Variants in HECW1 observed in about 807,000 individuals in gnomAD.
HECW1 encodes the protein HECT, C2 and WW domain containing E3 ubiquitin protein ligase 1, also known as E3 ubiquitin-protein ligase HECW1.
Under a neutral mutation model 182.3 loss-of-function variants are expected in HECW1, and 61 were observed. The observed-to-expected ratio is 0.33, with a 90% CI of 0.27 to 0.41. The LOEUF is 0.41. Among genes scored for constraint, HECW1 ranks in the 10% least tolerant of loss-of-function variants. The probability of loss-of-function intolerance (pLI) is 1.00; values close to 1 mark genes in which losing one functional copy is unlikely to be tolerated. For missense variants in HECW1, 1,739 were observed against 2,108.9 expected (o/e 0.82, Z 3.44); for synonymous variants, 859 against 832.6 (o/e 1.03, Z -0.55).
At chr7:43,525,301 A>T (rs1200417434) in intron 24 of HECW1, among the ~76,000 whole-genome samples, 1 of 152,270 alleles carries the variant, frequency 6.6e-6, no homozygotes, top group Non-Finnish European at 1.5e-5. Context: ...CCATGAAATC[A>T]GTTCATTTCC....
intron 2 of HECW1, among the ~76,000 whole-genome samples, chr7:43,128,495 A>T (rs980862830): frequency 1.3e-5 from 2 of 152,212 alleles, no homozygotes; most frequent in Non-Finnish European, 2.9e-5. Flanking sequence ...TAGAAAAAAG[A>T]TTCCATTCAA....
intron 3 of HECW1, among the ~76,000 whole-genome samples, chr7:43,276,036 A>G (rs1287730083): frequency 4.6e-5 from 7 of 152,204 alleles, no homozygotes; most frequent in Non-Finnish European, 7.3e-5. Context: ...GGTTTAAAGA[A>G]TCAATTGTGC....
At chr7:43,198,653 TCACA>T (rs766459912) in intron 2 of HECW1, among the ~76,000 whole-genome samples, 11 of 142,648 alleles carry the variant, frequency 7.7e-5, no homozygotes, top group Admixed American at 4.9e-4. Context: ...ACACTCTATC[TCACA>T]CACACCCCCA....
At position 43,334,342 on chromosome 7, in the gene HECW1, G is replaced by T. The variant is rs138401202; in HGVS notation, c.460+13600G>T. The stretch of plus-strand genomic sequence containing the variant: ...TCCAGCTTTCAACAACCAGGAAAGT[G>T]TTCAGAGTCCAAACAATACAAAAAT... On this transcript the variant is annotated intron_variant, in intron 5 of 29. Transcript: ENST00000395891. 1.6e-3 allele frequency among the ~76,000 whole-genome samples: 250 copies of T among 152,310 alleles called. 2 individuals carry two copies. The highest frequency in any genetic ancestry group is 5.7e-3 in the African/African-American group (237 of 41,576).
At chr7:43,520,450 C>T (rs1222190908) in intron 24 of HECW1, among the ~76,000 whole-genome samples, 1 of 152,128 alleles carries the variant, frequency 6.6e-6, no homozygotes, top group African/African-American at 2.4e-5. Flanking sequence ...TTAGGCTTTG[C>T]TCTGCTGCCC....
At chr7:43,241,069 A>G (rs1798831572) in intron 2 of HECW1, 1 of 152,206 alleles carries the variant, frequency 6.6e-6, no homozygotes, top group African/African-American at 2.4e-5. Context: ...TTAAAGTAGT[A>G]CTTTGTCGAT....
At chr7:43,257,859 T>A (rs1021591807) in intron 3 of HECW1, among the ~76,000 whole-genome samples, 11 of 152,134 alleles carry the variant, frequency 7.2e-5, no homozygotes, top group African/African-American at 2.7e-4. Context: ...AGAAGAAGAA[T>A]AGTGGTATTC....
intron 4 of HECW1, among the ~76,000 whole-genome samples, chr7:43,315,455 C>T (rs1267676395): frequency 8.5e-6 from 1 of 117,734 alleles, no homozygotes; most frequent in African/African-American, 5.8e-5. Context: ...TCTCCCGTCC[C>T]ATTATTATTG....
chr7:43,277,623 G>T (rs566837888), intron 3 of HECW1, among the ~76,000 whole-genome samples: 1 of 152,068 alleles, frequency 6.6e-6, no homozygotes, highest in Admixed American at 6.6e-5. Context: ...GACCATTTCC[G>T]TAGGCATCCA....
At position 43,180,113 on chromosome 7, in the gene HECW1, T is replaced by C. The variant is rs147812766; in HGVS notation, c.-31-63762T>C. 6.9e-3 allele frequency among the ~76,000 whole-genome samples: 1,045 copies of C among 152,350 alleles called. 7 individuals carry two copies. The highest frequency in any genetic ancestry group is 0.012 in the Non-Finnish European group (814 of 68,038). On this transcript the variant is annotated intron_variant, in intron 2 of 29. Coordinates refer to ENST00000395891, the MANE Select transcript of HECW1 (RefSeq NM_015052.5). ...GCAGAGTTGGTAACATTCCCTTTTA[T>C]GCAAGATGCACTTTGCAGAGCCTAA...
chr7:43,540,160 A>G (rs1282622268), intron 24 of HECW1, among the ~76,000 whole-genome samples: 1 of 152,234 alleles, frequency 6.6e-6, no homozygotes, highest in African/African-American at 2.4e-5. Flanking sequence ...TAACATCTTT[A>G]TAGCAGCTAT....
rs10257851 is a variant in HECW1, at chr7:43,548,061, C to T, written c.4249-2384C>T. On this transcript the variant is annotated intron_variant, in intron 26 of 29. Transcript: ENST00000395891. Reference sequence around the variant, plus strand: ...ATTTTATGCAGTTATGATTTAATACCGCATTTTGATGTTTGTATTTGTCTC... The same window carrying T: ...ATTTTATGCAGTTATGATTTAATACTGCATTTTGATGTTTGTATTTGTCTC... Among the ~76,000 whole-genome samples the T allele has an allele frequency of 9.4e-3, 1,435 of 152,216 alleles. 15 individuals carry two copies. The highest frequency in any genetic ancestry group is 0.033 in the African/African-American group (1,361 of 41,518).
chr7:43,499,788 G>A (rs1485208314), intron 19 of HECW1, among the ~76,000 whole-genome samples: 2 of 152,132 alleles, frequency 1.3e-5, no homozygotes, highest in African/African-American at 2.4e-5. Context: ...TAACATCAGG[G>A]AAGCAAATTA....
chr7:43,408,900 T>C (rs1420956824), intron 8 of HECW1, among the ~76,000 whole-genome samples: 1 of 152,120 alleles, frequency 6.6e-6, no homozygotes, highest in Non-Finnish European at 1.5e-5. Flanking sequence ...AGTTTATAAA[T>C]TTGAGAGATC....
At position 43,473,953 on chromosome 7, in the gene HECW1, G is replaced by T. The variant is rs867745339; in HGVS notation, c.3099+4848G>T. On this transcript the variant is annotated intron_variant, in intron 16 of 29. Coordinates refer to ENST00000395891, the MANE Select transcript of HECW1 (RefSeq NM_015052.5). ...GCCAAGCATAACAGTTATGGCAATA[G>T]GTGGAAACATGATAAACTTAGATAC... Among the ~76,000 whole-genome samples the T allele has an allele frequency of 4.5e-4, 69 of 152,102 alleles. 1 individual carries two copies. Among genetic ancestry groups the T allele is most frequent in the Admixed American group, 2.2e-3 (33 of 15,276 alleles).
intron 2 of HECW1, among the ~76,000 whole-genome samples, chr7:43,184,355 G>A (rs1045628565): frequency 6.6e-6 from 1 of 152,220 alleles, no homozygotes; most frequent in African/African-American, 2.4e-5. Context: ...CAAGCTATCA[G>A]TGTGATGCTA....
intron 2 of HECW1, among the ~76,000 whole-genome samples, chr7:43,222,091 C>T (rs1188562328): frequency 1.3e-5 from 2 of 152,160 alleles, no homozygotes; most frequent in African/African-American, 4.8e-5. Context: ...TTCCTCTAGG[C>T]CAGCGTTCCT....
intron 17 of HECW1, among the ~76,000 whole-genome samples, chr7:43,483,707 C>T (rs1433511160): frequency 6.6e-6 from 1 of 151,904 alleles, no homozygotes; most frequent in Non-Finnish European, 1.5e-5. Flanking sequence ...CACCACCACA[C>T]CTGTTTAATT....
chr7:43,420,553 CATT>C (rs887791088), intron 8 of HECW1, among the ~76,000 whole-genome samples: 1 of 152,124 alleles, frequency 6.6e-6, no homozygotes, highest in Non-Finnish European at 1.5e-5. Context: ...TTTCAGATAA[CATT>C]GTTGTGTCAG....
Sources: allele counts gnomAD v4.1 joint callset (sites outside exome capture counted in the v4.1 genomes callset), GRCh38; gene constraint gnomAD v4.1.1; transcripts MANE v1.5; gene names NCBI Gene and HGNC (gene_info 2026-07-23, HGNC 2026-07-21).